OLFM3: variants seen among roughly 807,000 people sequenced by gnomAD.
OLFM3 encodes noelin-3.
A neutral mutation model predicts 48.6 loss-of-function variants in OLFM3; 20 were observed. The ratio of observed to expected loss-of-function variants is 0.41; its 90% confidence interval spans 0.29 to 0.60. The LOEUF is 0.60. Ranked by LOEUF, OLFM3 falls within the 20% of genes least tolerant of loss-of-function variation. OLFM3 has a pLI of 0.28. For synonymous variants in OLFM3, 222 were observed against 198.1 expected (o/e 1.12, Z -1.01); for missense variants, 437 against 544.3 (o/e 0.80, Z 1.96).
At chr1:101,885,018 A>G (rs1657690796) in intron 1 of OLFM3, among the ~76,000 whole-genome samples, 1 of 152,050 alleles carries the variant, frequency 6.6e-6, no homozygotes, top group Non-Finnish European at 1.5e-5. Flanking sequence ...GAACACCAGG[A>G]AAGTCCATTG....
intron 1 of OLFM3, among the ~76,000 whole-genome samples, chr1:101,910,461 G>A (rs139073849): frequency 0.066 from 9,171 of 138,966 alleles, 408 homozygotes; most frequent in Non-Finnish European, 0.093. Flanking sequence ...GCGAGACTCC[G>A]TCTCAACTGA....
rs148692964 is a variant in OLFM3 at position 101,978,792 on chromosome 1, T to C, written c.69+17956A>G. ...CCTTTCATTCTATTATATCATCCCATAGCAAGGGAAATGGGAAGAATGTCA... is the reference window on the plus strand; with the variant it reads ...CCTTTCATTCTATTATATCATCCCACAGCAAGGGAAATGGGAAGAATGTCA... On this transcript the variant is annotated intron_variant, in intron 1 of 5. Coordinates refer to ENST00000370103, the MANE Select transcript of OLFM3 (RefSeq NM_058170.4). 6.4e-4 allele frequency among the ~76,000 whole-genome samples: 97 copies of C among 152,246 alleles called. No homozygotes were observed. In the East Asian group the frequency reaches 7.1e-3, roughly 11 times the overall value.
intron 2 of OLFM3, among the ~76,000 whole-genome samples, chr1:101,834,537 G>A (rs1194215608): frequency 6.6e-6 from 1 of 152,136 alleles, no homozygotes; most frequent in Non-Finnish European, 1.5e-5. Flanking sequence ...GACTGGCTCA[G>A]TCTGAAATAC....
At chr1:101,859,226 T>C (rs1656550686) in intron 1 of OLFM3, among the ~76,000 whole-genome samples, 3 of 152,076 alleles carry the variant, frequency 2.0e-5, no homozygotes, top group Admixed American at 1.3e-4. Context: ...TACCACTATG[T>C]CTTTATGGAG....
chr1:101,805,425 C>G (rs1157795229), intron 5 of OLFM3, among the ~76,000 whole-genome samples: 1 of 151,748 alleles, frequency 6.6e-6, no homozygotes, highest in East Asian at 1.9e-4. Context: ...TTTAAAGAAA[C>G]CATTTTACTA....
At chr1:101,857,627 T>C (rs990395958) in intron 1 of OLFM3, among the ~76,000 whole-genome samples, 1 of 151,700 alleles carries the variant, frequency 6.6e-6, no homozygotes, top group Non-Finnish European at 1.5e-5. Flanking sequence ...TCTTCCTGCC[T>C]TCCTTCTCTT....
At chr1:101,874,595 C>T (rs1416055237) in intron 1 of OLFM3, among the ~76,000 whole-genome samples, 4 of 151,796 alleles carry the variant, frequency 2.6e-5, no homozygotes, top group African/African-American at 7.2e-5. Flanking sequence ...ATAATTTGAT[C>T]ATTACAGATA....
At chr1:101,835,875 C>T (rs1325345151) in intron 2 of OLFM3, among the ~76,000 whole-genome samples, 8 of 152,184 alleles carry the variant, frequency 5.3e-5, no homozygotes, top group Non-Finnish European at 1.0e-4. Context: ...ATAATATATA[C>T]AGAGGAAACT....
intron 1 of OLFM3, among the ~76,000 whole-genome samples, chr1:101,921,877 A>T (rs776878462): frequency 4.6e-5 from 7 of 151,994 alleles, no homozygotes; most frequent in Non-Finnish European, 1.0e-4. Context: ...GGCCAACATG[A>T]TGAAACCCCA....
At chr1:101,880,422 T>G (rs913655310) in intron 1 of OLFM3, among the ~76,000 whole-genome samples, 1 of 151,864 alleles carries the variant, frequency 6.6e-6, no homozygotes, top group Non-Finnish European at 1.5e-5. Flanking sequence ...TGCTGTAAAG[T>G]GCTCTTTAAA....
chr1:101,972,255 G>T (rs1454110173), intron 1 of OLFM3, among the ~76,000 whole-genome samples: 1 of 152,114 alleles, frequency 6.6e-6, no homozygotes, highest in Non-Finnish European at 1.5e-5. Context: ...TTTCCAGAAG[G>T]ATATTAAAAA....
At position 101,837,030 on chromosome 1, in the gene OLFM3, G is replaced by A. The variant is rs1188396503; in HGVS notation, c.70-5C>T. The A allele has an allele frequency of 2.5e-6, 4 of 1,605,770 alleles. No individual in the cohort carries two copies. Among genetic ancestry groups the A allele is most frequent in the Admixed American group, 3.4e-5 (2 of 59,196 alleles). On this transcript the variant is annotated splice_polypyrimidine_tract_variant and splice_region_variant and intron_variant, in intron 1 of 5. Coordinates refer to ENST00000370103, the MANE Select transcript of OLFM3 (RefSeq NM_058170.4). Reference sequence around the variant, plus strand: ...TTCTTTAGGACTAATCTGAGTCTGAGGAAACCAAAGGGAAACATAAAACAC... The same window carrying A: ...TTCTTTAGGACTAATCTGAGTCTGAAGAAACCAAAGGGAAACATAAAACAC...
chr1:101,981,856 T>C (rs1661114368), intron 1 of OLFM3, among the ~76,000 whole-genome samples: 1 of 151,694 alleles, frequency 6.6e-6, no homozygotes, highest in Admixed American at 6.6e-5. Flanking sequence ...ATTTTATTTA[T>C]AGAATGAGTA....
intron 1 of OLFM3, among the ~76,000 whole-genome samples, chr1:101,949,931 G>GAAAAAAAAAAA (rs71088114): frequency 3.7e-5 from 2 of 53,362 alleles, no homozygotes; most frequent in African/African-American, 7.4e-5. Context: ...GACTCCGTCT[G>GAAAAAAAAAAA]AAAAAAAAAA....
At chr1:101,932,134 A>ATAC (rs1033801577) in intron 1 of OLFM3, among the ~76,000 whole-genome samples, 1 of 152,164 alleles carries the variant, frequency 6.6e-6, no homozygotes, top group Non-Finnish European at 1.5e-5. Flanking sequence ...TTTTGTGGAA[A>ATAC]TACTATATTC....
chr1:101,840,284 A>C (rs532683269), intron 1 of OLFM3, among the ~76,000 whole-genome samples: 118 of 152,262 alleles, frequency 7.7e-4, no homozygotes, highest in Non-Finnish European at 1.4e-3. Context: ...TTGCTTTCGA[A>C]TATTATAATA....
intron 1 of OLFM3, among the ~76,000 whole-genome samples, chr1:101,949,755 C>G (rs1376347982): frequency 6.6e-6 from 1 of 151,864 alleles, no homozygotes; most frequent in African/African-American, 2.4e-5. Context: ...ACGGGGAAAC[C>G]CCGTCTCTAC....
intron 1 of OLFM3, among the ~76,000 whole-genome samples, chr1:101,926,408 A>C (rs1326979020): frequency 6.6e-6 from 1 of 152,160 alleles, no homozygotes; most frequent in Non-Finnish European, 1.5e-5. Context: ...CTAGGCTGCC[A>C]TTATATTCAC....
chr1:101,941,326 G>T (rs2101059555), intron 1 of OLFM3, among the ~76,000 whole-genome samples: 1 of 152,288 alleles, frequency 6.6e-6, no homozygotes, highest in East Asian at 1.9e-4. Flanking sequence ...GTGGCTCAGG[G>T]TGTGGCTCAG....
Sources: allele counts gnomAD v4.1 joint callset (sites outside exome capture counted in the v4.1 genomes callset), GRCh38; gene constraint gnomAD v4.1.1; transcripts MANE v1.5; gene names NCBI Gene and HGNC (gene_info 2026-07-23, HGNC 2026-07-21).